SLIT2: variants seen among roughly 807,000 people sequenced by gnomAD.
The protein encoded by SLIT2 is slit guidance ligand 2.
In SLIT2, 41 loss-of-function variants were observed where a neutral mutation model predicts 185.7. That is an observed-to-expected ratio of 0.22 (90% CI 0.17 to 0.29). The LOEUF (loss-of-function observed/expected upper bound fraction) is 0.29, where lower values mean the gene tolerates loss of function less well. Ranked by LOEUF, SLIT2 falls within the 10% of genes least tolerant of loss-of-function variation. The pLI, the probability that SLIT2 is intolerant of heterozygous loss-of-function variation, is 1.00. For missense variants in SLIT2, 1,571 were observed against 1,909.0 expected, an observed-to-expected ratio of 0.82 and a Z score of 3.30; for synonymous variants, 693 against 680.2, an observed-to-expected ratio of 1.02 and a Z score of -0.29.
At chr4:20,270,468 TG>T (rs543999847) in intron 4 of SLIT2, among the ~76,000 whole-genome samples, 7 of 152,092 alleles carry the variant, frequency 4.6e-5, no homozygotes, top group Non-Finnish European at 1.0e-4. Flanking sequence ...ATGCAGCTGC[TG>T]TATGAAAAAA....
At chr4:20,506,178 T>G (rs977212781) in intron 9 of SLIT2, among the ~76,000 whole-genome samples, 1 of 152,182 alleles carries the variant, frequency 6.6e-6, no homozygotes, top group Middle Eastern at 3.4e-3. Context: ...TGGCTCCTTT[T>G]ACATGGAAAA....
intron 22 of SLIT2, 54 bp from the exon 23 acceptor site, chr4:20,548,434 T>G: frequency 1.1e-6 from 1 of 880,270 alleles, no homozygotes; most frequent in South Asian, 1.4e-5. Context: ...TAAGAATCAC[T>G]AATATTTTCA....
intron 5 of SLIT2, among the ~76,000 whole-genome samples, chr4:20,472,441 T>TAG (rs1394943534): frequency 9.3e-5 from 4 of 42,888 alleles, no homozygotes; most frequent in Non-Finnish European, 1.2e-4. Context: ...TCTATAGATA[T>TAG]ATATCTATAT....
Position 20,286,866 on chromosome 4 carries a change from C to A in SLIT2, c.395+17985C>A, listed in dbSNP as rs1319909524. On this transcript the variant is annotated intron_variant, in intron 4 of 36. Transcript: ENST00000504154. ...AAGATCATTTTGTATACAGGCACAG[C>A]AGTTTAGATTTAATAAAACATTTTT... Among the ~76,000 whole-genome samples, 6 of 152,246 alleles carry A rather than the reference C, an allele frequency of 3.9e-5. No individual in the cohort carries two copies. In the South Asian group the frequency reaches 1.2e-3, roughly 32 times the overall value.
At chr4:20,332,718 T>C (rs1308999105) in intron 4 of SLIT2, among the ~76,000 whole-genome samples, 1 of 152,126 alleles carries the variant, frequency 6.6e-6, no homozygotes, top group East Asian at 1.9e-4. Context: ...TTTATTGATA[T>C]TTAGCTATTT....
At chr4:20,367,341 C>A (rs1421727455) in intron 4 of SLIT2, among the ~76,000 whole-genome samples, 1 of 152,072 alleles carries the variant, frequency 6.6e-6, no homozygotes, top group Non-Finnish European at 1.5e-5. Flanking sequence ...GAAAAACTAA[C>A]AAATGGGATA....
intron 9 of SLIT2, among the ~76,000 whole-genome samples, chr4:20,497,927 A>G (rs1191732326): frequency 6.6e-6 from 1 of 152,128 alleles, no homozygotes; most frequent in African/African-American, 2.4e-5. Flanking sequence ...TAATCTCAGC[A>G]CTTTTAGAGG....
intron 29 of SLIT2, among the ~76,000 whole-genome samples, chr4:20,574,808 C>T (rs200679012): frequency 7.8e-6 from 1 of 129,012 alleles, no homozygotes; most frequent in East Asian, 2.4e-4. Flanking sequence ...AAAAAAAAAA[C>T]AAAGGTTATT....
intron 4 of SLIT2, among the ~76,000 whole-genome samples, chr4:20,467,105 A>C (rs973337947): frequency 2.0e-5 from 3 of 152,208 alleles, no homozygotes; most frequent in Non-Finnish European, 2.9e-5. Flanking sequence ...TGTATTTCTC[A>C]ATTAAATTAA....
At chr4:20,287,995 A>G (rs1284624674) in intron 4 of SLIT2, among the ~76,000 whole-genome samples, 1 of 152,230 alleles carries the variant, frequency 6.6e-6, no homozygotes, top group Non-Finnish European at 1.5e-5. Context: ...TTTGAAATGA[A>G]ACAAAATTTC....
intron 4 of SLIT2, among the ~76,000 whole-genome samples, chr4:20,272,885 C>T (rs935259873): frequency 3.9e-5 from 6 of 151,928 alleles, no homozygotes; most frequent in South Asian, 2.1e-4. Flanking sequence ...AGTTTTGGAG[C>T]GACTAAATTA....
intron 4 of SLIT2, among the ~76,000 whole-genome samples, chr4:20,374,369 C>G (rs576251174): frequency 6.6e-6 from 1 of 152,210 alleles, no homozygotes; most frequent in Non-Finnish European, 1.5e-5. Flanking sequence ...ATACATGAAG[C>G]AAAATTGTTC....
At chr4:20,575,309 A>G (rs1471514162) in intron 29 of SLIT2, among the ~76,000 whole-genome samples, 3 of 152,196 alleles carry the variant, frequency 2.0e-5, no homozygotes, top group Admixed American at 1.3e-4. Context: ...ATCATTCTCT[A>G]TATTTTCAAT....
intron 4 of SLIT2, among the ~76,000 whole-genome samples, chr4:20,389,439 G>A (rs978035983): frequency 1.3e-5 from 2 of 151,952 alleles, no homozygotes; most frequent in South Asian, 2.1e-4. Context: ...AGATAGAGTG[G>A]CTATCTCTTC....
chr4:20,559,906 A>C (rs983220277), intron 26 of SLIT2, among the ~76,000 whole-genome samples: 2 of 151,912 alleles, frequency 1.3e-5, no homozygotes, highest in Middle Eastern at 3.2e-3. Flanking sequence ...GAAAATTCTG[A>C]ACTACCCTCA....
intron 4 of SLIT2, among the ~76,000 whole-genome samples, chr4:20,440,832 C>A (rs1238596842): frequency 6.6e-6 from 1 of 152,036 alleles, no homozygotes; most frequent in Non-Finnish European, 1.5e-5. Context: ...TTAACATTTG[C>A]GAGTGTGGTG....
At chr4:20,608,034 A>G (rs997408401) in intron 33 of SLIT2, among the ~76,000 whole-genome samples, 1 of 152,140 alleles carries the variant, frequency 6.6e-6, no homozygotes, top group African/African-American at 2.4e-5. Context: ...AAATAAAGCT[A>G]AATTCTTTAC....
chr4:20,374,053 T>C (rs1214209151), intron 4 of SLIT2, among the ~76,000 whole-genome samples: 2 of 152,118 alleles, frequency 1.3e-5, no homozygotes, highest in East Asian at 3.9e-4. Flanking sequence ...AGTGTGAATC[T>C]TGGCTCAGCC....
Position 20,254,514 on chromosome 4 carries a change from C to T in SLIT2, c.179+520C>T, listed in dbSNP as rs1711551904. On this transcript the variant is annotated intron_variant, in intron 1 of 36. Transcript: ENST00000504154. This position sits in a 1 kb window ranked among gnomAD's most constrained non-coding sequence, Gnocchi z 5.1. Reference sequence around the variant, plus strand: ...GGGGCGAAGGTTAGGAAGAAGGGGTCATGGAGTGCCTGGGGGTGCTTCTCA... The same window carrying T: ...GGGGCGAAGGTTAGGAAGAAGGGGTTATGGAGTGCCTGGGGGTGCTTCTCA... Among the ~76,000 whole-genome samples the T allele has an allele frequency of 1.3e-5, 2 of 151,902 alleles. No individual in the cohort carries two copies. The highest frequency in any genetic ancestry group is 4.2e-4 in the South Asian group (2 of 4,814).
Sources: allele counts gnomAD v4.1 joint callset (sites outside exome capture counted in the v4.1 genomes callset), GRCh38; gene constraint gnomAD v4.1.1; non-coding constraint Gnocchi (gnomAD v3.1); transcripts MANE v1.5; gene names NCBI Gene and HGNC (gene_info 2026-07-23, HGNC 2026-07-21).